The following MFF variants were observed in gnomAD, a reference collection of about 807,000 sequenced individuals.
The protein encoded by MFF is mitochondrial fission factor.
MFF carries 12 observed loss-of-function variants against 36.9 expected under a neutral mutation model. The observed-to-expected ratio is 0.33, with a 90% CI of 0.21 to 0.53. The LOEUF (loss-of-function observed/expected upper bound fraction) is 0.53, where lower values mean the gene tolerates loss of function less well. Ranked by LOEUF, MFF falls within the 20% of genes least tolerant of loss-of-function variation. The pLI, the probability that MFF is intolerant of heterozygous loss-of-function variation, is 0.95. For missense variants in MFF, 348 were observed against 366.6 expected, an observed-to-expected ratio of 0.95 and a Z score of 0.42; for synonymous variants, 99 against 126.2, an observed-to-expected ratio of 0.78 and a Z score of 1.44.
chr2:227,346,086 A>G (rs985134778), intron 5 of MFF: 1 of 159,918 alleles, frequency 6.3e-6, no homozygotes, highest in East Asian at 1.9e-4. Context: ...ATATCAGATG[A>G]CTATAACTAT....
intron 4 of MFF, among the ~76,000 whole-genome samples, chr2:227,333,134 G>T (rs4675167): frequency 0.96 from 145,954 of 152,326 alleles, 70,148 homozygotes; most frequent in East Asian, 1. Context: ...CTTTGAAGCT[G>T]CTTTGCCGTG....
At chr2:227,342,593 C>G (rs964309861) in intron 5 of MFF, 1 of 591,440 alleles carries the variant, frequency 1.7e-6, no homozygotes, top group Admixed American at 3.2e-5. Flanking sequence ...AGCAGGAGCA[C>G]TAGCCTTTGT....
intron 6 of MFF, among the ~76,000 whole-genome samples, chr2:227,349,954 A>T (rs77817401): frequency 0.076 from 11,569 of 152,138 alleles, 629 homozygotes; most frequent in East Asian, 0.13. Context: ...GCAGAAAAAG[A>T]AAAAAGCTTT....
intron 5 of MFF, among the ~76,000 whole-genome samples, chr2:227,342,216 A>G (rs1324881895): frequency 6.6e-6 from 1 of 151,856 alleles, no homozygotes. Flanking sequence ...GCTTAACCAT[A>G]TTTTTCATTA....
At chr2:227,355,622 A>G (rs1415837370) in intron 7 of MFF, 55 bp from the exon 8 acceptor site, 20 of 976,394 alleles carry the variant, frequency 2.0e-5, no homozygotes, top group Non-Finnish European at 3.2e-5. Context: ...GTGGCGTGCC[A>G]TTTACTCTGA....
Position 227,347,212 on chromosome 2 carries a change from G to A in MFF, c.441-14G>A, listed in dbSNP as rs757525778. On this transcript the variant is annotated splice_polypyrimidine_tract_variant and intron_variant, in intron 5 of 8. Transcript: ENST00000304593. ...GAGTGTTTTTCTCTTCATTTGCTGT[G>A]CTTGTGTAAACAGTGTGACACCATC... The A allele has an allele frequency of 6.2e-7, 1 of 1,606,850 alleles. No individual in the cohort carries two copies. Among genetic ancestry groups the A allele is most frequent in the South Asian group, 1.1e-5 (1 of 90,664 alleles).
intron 1 of MFF, among the ~76,000 whole-genome samples, chr2:227,326,568 C>A (rs1451926440): frequency 1.3e-5 from 2 of 152,172 alleles, no homozygotes; most frequent in Non-Finnish European, 2.9e-5. Context: ...TGCCTCCTTT[C>A]AGAATTGCAA....
intron 4 of MFF, among the ~76,000 whole-genome samples, chr2:227,340,045 C>G (rs1298118166): frequency 6.6e-6 from 1 of 152,070 alleles, no homozygotes; most frequent in Non-Finnish European, 1.5e-5. Context: ...GAGTAGCGTT[C>G]TTAAAGTAAA....
chr2:227,328,541 T>G (rs893851761), intron 1 of MFF, 137 bp from the exon 2 acceptor site: 1 of 152,130 alleles, frequency 6.6e-6, no homozygotes, highest in Non-Finnish European at 1.5e-5. Flanking sequence ...ATTTTTTTCT[T>G]TCTTTATTTT....
intron 6 of MFF, among the ~76,000 whole-genome samples, chr2:227,349,529 A>T (rs1164504391): frequency 6.6e-6 from 1 of 152,124 alleles, no homozygotes; most frequent in African/African-American, 2.4e-5. Flanking sequence ...CTTTTCTCCT[A>T]GATCTGTAGC....
chr2:227,331,238 T>C (rs1209305603), intron 3 of MFF, among the ~76,000 whole-genome samples: 3 of 152,224 alleles, frequency 2.0e-5, no homozygotes, highest in African/African-American at 7.2e-5. Flanking sequence ...AGCCAGAGAA[T>C]AGATTTGTCT....
At chr2:227,344,852 A>G (rs1027089848) in intron 5 of MFF, among the ~76,000 whole-genome samples, 2 of 152,198 alleles carry the variant, frequency 1.3e-5, no homozygotes, top group Admixed American at 6.5e-5. Flanking sequence ...TAGAACCTCA[A>G]GTTATGTTTT....
chr2:227,329,925 A>AAC, intron 2 of MFF: 2 of 516,026 alleles, frequency 3.9e-6, no homozygotes, highest in Non-Finnish European at 7.0e-6. Flanking sequence ...TACTGCATTA[A>AAC]AAAAAAAAAC....
At chr2:227,342,570 G>A (rs865937470) in intron 5 of MFF, among the ~76,000 whole-genome samples, 1 of 152,110 alleles carries the variant, frequency 6.6e-6, no homozygotes, top group Non-Finnish European at 1.5e-5. Context: ...ATAAAAGTGC[G>A]AACGGGTATG....
At chr2:227,342,444 TA>T (rs2075447607) in intron 5 of MFF, among the ~76,000 whole-genome samples, 1 of 152,194 alleles carries the variant, frequency 6.6e-6, no homozygotes, top group Admixed American at 6.5e-5. Flanking sequence ...AAATAATTAT[TA>T]AACTCTTACT....
At chr2:227,352,658 C>A in intron 7 of MFF, 85 bp downstream of exon 7, 1 of 1,096,192 alleles carries the variant, frequency 9.1e-7, no homozygotes, top group Non-Finnish European at 1.4e-6. Context: ...CGTAGCCATG[C>A]CTGTGTTTGT....
chr2:227,336,116 A>G (rs1169272693), intron 4 of MFF, among the ~76,000 whole-genome samples: 1 of 152,222 alleles, frequency 6.6e-6, no homozygotes, highest in African/African-American at 2.4e-5. Context: ...AGAGAACAAG[A>G]AAGAAGAACT....
intron 2 of MFF, chr2:227,329,339 A>T (rs2074401715): frequency 5.4e-6 from 1 of 183,778 alleles, no homozygotes. Context: ...TTCGAATCTG[A>T]CTTCACATTT....
chr2:227,352,599 C>T, intron 7 of MFF, 26 bp downstream of exon 7: 2 of 1,442,886 alleles, frequency 1.4e-6, no homozygotes, highest in Non-Finnish European at 1.9e-6. Flanking sequence ...TCGTAATTAC[C>T]AGGGTAAATG....
Sources: allele counts gnomAD v4.1 joint callset (sites outside exome capture counted in the v4.1 genomes callset), GRCh38; gene constraint gnomAD v4.1.1; transcripts MANE v1.5; gene names NCBI Gene and HGNC (gene_info 2026-07-23, HGNC 2026-07-21).